The following TAF1 variants were observed in gnomAD, a reference collection of about 807,000 sequenced individuals.
TAF1 encodes TATA-box binding protein associated factor 1.
A neutral mutation model predicts 138.5 loss-of-function variants in TAF1; 2 were observed. The observed-to-expected ratio is 0.01, with a 90% CI of 0.01 to 0.05. The LOEUF is 0.05. Among genes scored for constraint, TAF1 ranks in the 10% least tolerant of loss-of-function variants. The pLI is 1.00. For synonymous variants in TAF1, 437 were observed against 503.2 expected (o/e 0.87, Z 1.76); for missense variants, 709 against 1,478.0 (o/e 0.48, Z 8.53).
rs5981107 is a variant in TAF1, at chrX:71,376,534, G to A, written c.473-416G>A. Among the ~76,000 whole-genome samples the A allele has an allele frequency of 5.3e-3, 584 of 109,755 alleles. 3 individuals are homozygous for A. The highest frequency in any genetic ancestry group is 0.018 in the African/African-American group (552 of 30,101). On this transcript the variant is annotated intron_variant, in intron 4 of 37. Transcript: ENST00000423759. ...TGCAAAAATTTAGCCAGCTGTCGTG[G>A]CGCATGACTGTAATCCCAGCTACTC...
At chrX:71,445,088 G>A (rs2037624560) in intron 32 of TAF1, among the ~76,000 whole-genome samples, 2 of 109,455 alleles carry the variant, frequency 1.8e-5, no homozygotes, top group African/African-American at 6.7e-5. Context: ...TTCAGGTCAG[G>A]AGTTTGAGAC....
chrX:71,401,504 TGTTTGATAC>T lies in TAF1; in HGVS notation c.3787-23_3787-15del, dbSNP rs749871549. On this transcript the variant is annotated splice_polypyrimidine_tract_variant and intron_variant, in intron 24 of 37. Coordinates refer to ENST00000423759, the MANE Select transcript of TAF1 (RefSeq NM_004606.5). Reference sequence around the variant, plus strand: ...TGTTTCAGCCTACTTACCTCTGACGTGTTTGATACTTTTCCTTTTGCAGCTGAAATGTGG... The same window carrying T: ...TGTTTCAGCCTACTTACCTCTGACGTTTTTCCTTTTGCAGCTGAAATGTGG... 12 of 1,207,683 alleles carry T rather than the reference TGTTTGATAC, an allele frequency of 9.9e-6. No homozygotes were observed. The highest frequency in any genetic ancestry group is 1.2e-5 in the Non-Finnish European group (11 of 893,264).
chrX:71,430,102 C>T (rs1052383226), intron 32 of TAF1, among the ~76,000 whole-genome samples: 4 of 111,374 alleles, frequency 3.6e-5, no homozygotes, highest in Admixed American at 9.5e-5. Flanking sequence ...ACATCTAGGC[C>T]GGGCACGGTG....
chrX:71,461,023 C>A, intron 37 of TAF1: 1 of 434,853 alleles, frequency 2.3e-6, no homozygotes, highest in Non-Finnish European at 3.9e-6. Flanking sequence ...CAAATCATTA[C>A]AAATACAATG....
intron 13 of TAF1, among the ~76,000 whole-genome samples, chrX:71,509,024 T>C (rs777535278): frequency 9.3e-6 from 1 of 107,872 alleles, no homozygotes; most frequent in Admixed American, 1.0e-4. Flanking sequence ...CCCAGGCTGG[T>C]CTCAAACTCC....
At chrX:71,471,593 A>C (rs2038891246) in intron 13 of TAF1, among the ~76,000 whole-genome samples, 2 of 106,653 alleles carry the variant, frequency 1.9e-5, no homozygotes, top group Non-Finnish European at 3.8e-5. Context: ...TTACTGGTGG[A>C]GGGTGTCCAG....
At chrX:71,507,904 T>A (rs1432531013) in intron 13 of TAF1, among the ~76,000 whole-genome samples, 1 of 109,428 alleles carries the variant, frequency 9.1e-6, no homozygotes, top group Non-Finnish European at 1.9e-5. Context: ...GGCATGAGAA[T>A]CACGTGAATC....
intron 3 of TAF1, among the ~76,000 whole-genome samples, chrX:71,373,228 C>T (rs1303974689): frequency 9.9e-6 from 1 of 101,194 alleles, no homozygotes; most frequent in Non-Finnish European, 2.0e-5. Flanking sequence ...AGTGCAGTGG[C>T]GCAATCTCGG....
chrX:71,405,588 C>T (rs1422074278), intron 25 of TAF1, among the ~76,000 whole-genome samples: 1 of 111,631 alleles, frequency 9.0e-6, no homozygotes, highest in Non-Finnish European at 1.9e-5. Context: ...TGAGCTCAGG[C>T]AATCCGCCTG....
chrX:71,463,874 G>A lies in TAF1; in HGVS notation c.5450G>A (p.Ser1817Asn), dbSNP rs2038654087. The A allele has an allele frequency of 8.3e-7, 1 of 1,211,165 alleles. No individual in the cohort carries two copies. The highest frequency in any genetic ancestry group is 1.1e-6 in the Non-Finnish European group (1 of 895,279). Residue 1817 changes from serine to asparagine, a missense_variant, in exon 38 of 38, where the codon AGC becomes AAC. Physicochemically the swap from Ser to Asn is conservative, Grantham distance 46. Transcript: ENST00000423759. ...PDPKSNTQDT[S>N]FSSIGGYEVS... ...CCCAAGTCGAACACCCAAGACACAA[G>A]CTTCAGCAGCATCGGTGGGTATGAG...
chrX:71,397,808 GGGA>G (rs761597114), intron 23 of TAF1, among the ~76,000 whole-genome samples: 164 of 111,257 alleles, frequency 1.5e-3, no homozygotes, highest in African/African-American at 5.2e-3. Context: ...GAGTGTGATA[GGGA>G]GAATAGTAAT....
intron 32 of TAF1, among the ~76,000 whole-genome samples, chrX:71,444,141 G>A (rs1408960569): frequency 4.5e-5 from 5 of 110,222 alleles, no homozygotes; most frequent in Non-Finnish European, 9.5e-5. Flanking sequence ...CCAAGTAGCC[G>A]GGATTACAGG....
At chrX:71,459,363 A>C in intron 35 of TAF1, 189 bp from the exon 36 acceptor site, 2 of 997,614 alleles carry the variant, frequency 2.0e-6, no homozygotes, top group Non-Finnish European at 2.7e-6. Context: ...CTCCTTAGTG[A>C]GCCCCAATCT....
intron 13 of TAF1, among the ~76,000 whole-genome samples, chrX:71,498,900 A>G (rs1024504805): frequency 2.7e-5 from 3 of 111,776 alleles, no homozygotes; most frequent in Admixed American, 1.9e-4. Flanking sequence ...CCTTGAGGAC[A>G]GCTGTCTGGG....
In TAF1 at chrX:71,393,495, G is replaced by A. The variant is rs754170670; in HGVS notation, c.3227+19G>A. ...AGAACAAGTGGGTCGTTTTAGTGCT[G>A]CAGAAAATCCAAGCTGGAAAGGGGG... On this transcript the variant is annotated intron_variant, in intron 21 of 37. Transcript: ENST00000423759. 4 of 1,166,376 alleles carry A rather than the reference G, an allele frequency of 3.4e-6. No individual in the cohort carries two copies. The Admixed American group carries it at 1.0e-4, about 30-fold the overall frequency.
intron 14 of TAF1, among the ~76,000 whole-genome samples, chrX:71,385,364 A>G (rs777106038): frequency 3.7e-4 from 41 of 111,972 alleles, no homozygotes; most frequent in Non-Finnish European, 3.8e-4. Context: ...ATGAATATTT[A>G]ATTTTTGTGT....
chrX:71,456,007 A>G (rs901713964), intron 34 of TAF1, among the ~76,000 whole-genome samples: 7 of 111,992 alleles, frequency 6.3e-5, no homozygotes, highest in Non-Finnish European at 1.3e-4. Context: ...AGAACAAGGA[A>G]AGGCTCTTGG....
chrX:71,448,866 T>TA (rs1178420662), intron 32 of TAF1, among the ~76,000 whole-genome samples: 1 of 107,952 alleles, frequency 9.3e-6, no homozygotes, highest in Non-Finnish European at 1.9e-5. Flanking sequence ...TTGCCCAGGC[T>TA]AGAGTACAAT....
At chrX:71,444,395 A>G (rs749880284) in intron 32 of TAF1, among the ~76,000 whole-genome samples, 3 of 111,570 alleles carry the variant, frequency 2.7e-5, no homozygotes, top group African/African-American at 9.8e-5. Context: ...TTTTCTCCCC[A>G]GTCTGTGCCT....
Sources: allele counts gnomAD v4.1 joint callset (sites outside exome capture counted in the v4.1 genomes callset), GRCh38; gene constraint gnomAD v4.1.1; transcripts MANE v1.5; gene names NCBI Gene and HGNC (gene_info 2026-07-23, HGNC 2026-07-21).